NBEA: variants seen among roughly 807,000 people sequenced by gnomAD.
NBEA encodes neurobeachin, also known as lysosomal-trafficking regulator 2.
A neutral mutation model predicts 343.4 loss-of-function variants in NBEA; 44 were observed. The observed-to-expected ratio is 0.13, with a 90% CI of 0.10 to 0.16. NBEA has a LOEUF of 0.16. Among genes scored for constraint, NBEA ranks in the 10% least tolerant of loss-of-function variants. NBEA has a pLI of 1.00. For missense variants in NBEA, 2,555 were observed against 3,631.3 expected (o/e 0.70, Z 7.62); for synonymous variants, 1,175 against 1,238.7 (o/e 0.95, Z 1.08).
intron 1 of NBEA, among the ~76,000 whole-genome samples, chr13:35,010,737 A>ATATAT (rs1251013430): frequency 3.1e-4 from 8 of 25,620 alleles, no homozygotes; most frequent in Admixed American, 5.9e-4. Context: ...AAAAAAAAAA[A>ATATAT]AAAAATATAT....
At chr13:35,369,832 C>G (rs947136500) in intron 38 of NBEA, among the ~76,000 whole-genome samples, 1 of 151,814 alleles carries the variant, frequency 6.6e-6, no homozygotes, top group Admixed American at 6.6e-5. Flanking sequence ...ATTTGGATGC[C>G]CATTACTTTT....
chr13:35,367,082 A>G (rs1472103309), intron 38 of NBEA, among the ~76,000 whole-genome samples: 1 of 151,350 alleles, frequency 6.6e-6, no homozygotes, highest in Admixed American at 6.6e-5. Context: ...TACTAAAAGT[A>G]TGCTATATAA....
At chr13:35,119,151 G>A in intron 16 of NBEA, among the ~76,000 whole-genome samples, 1 of 152,290 alleles carries the variant, frequency 6.6e-6, no homozygotes, top group South Asian at 2.1e-4. Context: ...CAATTGAAAT[G>A]TAACTTGGTA....
intron 1 of NBEA, among the ~76,000 whole-genome samples, chr13:34,981,840 A>T (rs1156718605): frequency 6.6e-6 from 1 of 151,802 alleles, no homozygotes; most frequent in African/African-American, 2.4e-5. Flanking sequence ...TGTGTCATCT[A>T]AGTAGTTGAA....
chr13:35,286,764 A>T (rs1483090921), intron 34 of NBEA, among the ~76,000 whole-genome samples: 1 of 151,744 alleles, frequency 6.6e-6, no homozygotes, highest in Non-Finnish European at 1.5e-5. Context: ...CATTTGTGGC[A>T]GTTTTTTGTT....
intron 33 of NBEA, among the ~76,000 whole-genome samples, chr13:35,215,979 T>C (rs2074042291): frequency 1.3e-5 from 2 of 151,546 alleles, no homozygotes; most frequent in South Asian, 4.1e-4. Flanking sequence ...AAATTCTTTG[T>C]AATTTTAAAA....
chr13:35,601,981 A>G (rs1459633887), intron 47 of NBEA, among the ~76,000 whole-genome samples: 4 of 152,076 alleles, frequency 2.6e-5, no homozygotes, highest in African/African-American at 7.2e-5. Flanking sequence ...GAGAACACCT[A>G]CTTCACAAAC....
intron 36 of NBEA, among the ~76,000 whole-genome samples, chr13:35,320,943 G>A (rs909546659): frequency 6.6e-6 from 1 of 151,960 alleles, no homozygotes; most frequent in African/African-American, 2.4e-5. Flanking sequence ...AGCTGTGTCA[G>A]GTCATTTGTG....
At position 35,123,561 on chromosome 13, in the gene NBEA, C is replaced by T; in HGVS notation, c.2323C>T (p.His775Tyr). 2.6e-6 allele frequency: 4 copies of T among 1,509,580 alleles called. No homozygotes were observed. Among genetic ancestry groups the T allele is most frequent in the East Asian group, 2.3e-5 (1 of 42,590 alleles). The allele number at this position is 1,509,580 out of a possible 1,614,324, so 93.5% of individuals were successfully genotyped here. A position where few individuals can be genotyped will look rare whatever the true frequency, so the allele number is the denominator to read the frequency against. ...GAAGGTTCTGGGATACTTTCTGAAG[C>T]ATTTAGGTCACAAGTAAGTTGATAT... is the stretch of plus-strand genomic sequence containing the variant. ...ALKVLGYFLK[H>Y]LGHKRKVEIM... Residue 775 changes from histidine (H) to tyrosine (Y), a missense_variant, in exon 17 of 59, where the codon CAT becomes TAT. His to Tyr is a moderately conservative substitution (Grantham distance 83). This residue lies in a region of NBEA where 360 missense variants were observed against 519.1 expected (regional missense o/e 0.69). Transcript: ENST00000379939.
chr13:35,588,795 GC>G (rs1287295548), intron 46 of NBEA, among the ~76,000 whole-genome samples: 1 of 151,954 alleles, frequency 6.6e-6, no homozygotes, highest in Non-Finnish European at 1.5e-5. Flanking sequence ...TTTTTCCCTG[GC>G]TTGCTGACCA....
At chr13:35,143,192 A>G (rs954075748) in intron 18 of NBEA, among the ~76,000 whole-genome samples, 7 of 152,210 alleles carry the variant, frequency 4.6e-5, no homozygotes, top group Non-Finnish European at 2.9e-5. Flanking sequence ...ATTTCAGCGA[A>G]CACAGTCACA....
chr13:35,240,610 C>G (rs1391805086), intron 34 of NBEA, among the ~76,000 whole-genome samples: 2 of 151,678 alleles, frequency 1.3e-5, no homozygotes, highest in African/African-American at 4.8e-5. Flanking sequence ...AAATAAATTA[C>G]ATGGGGAAAA....
At chr13:35,096,962 C>CT (rs1457524478) in intron 10 of NBEA, among the ~76,000 whole-genome samples, 3 of 151,352 alleles carry the variant, frequency 2.0e-5, no homozygotes, top group African/African-American at 7.3e-5. Context: ...TGATAGTTTA[C>CT]TTTTTTTTGT....
At position 35,155,846 on chromosome 13, in the gene NBEA, C is replaced by G; in HGVS notation, c.2518C>G (p.Gln840Glu). ...AGAGCCAGATTCTACAGTGAAAATT[C>G]AGAATCCAAGTGAGCAAATGGCAGT... ...HPEPDSTVKI[Q>E]NPMILKVVAT... The change falls in exon 19 of 59, where the codon CAG (glutamine) becomes GAG (glutamate). Residue 840 changes from glutamine to glutamate, a missense_variant. Gln to Glu is a conservative substitution (Grantham distance 29). Around this residue, in one of 21 missense-constraint regions of NBEA, gnomAD observed 360 missense variants for 519.1 expected, o/e 0.69. Transcript: ENST00000379939. 6.2e-7 allele frequency: 1 copy of G among 1,610,782 alleles called. No individual in the cohort carries two copies. Among genetic ancestry groups the G allele is most frequent in the Non-Finnish European group, 8.5e-7 (1 of 1,177,126 alleles).
At chr13:35,476,296 CCTG>C (rs56240021) in intron 41 of NBEA, 107,590 of 957,518 alleles carry the variant, frequency 0.11, 4,693 homozygotes, top group East Asian at 0.17. Context: ...CGTTGGTTTC[CCTG>C]CTGCTGCTGC....
chr13:35,419,347 C>T (rs888697063), intron 38 of NBEA, among the ~76,000 whole-genome samples: 1 of 152,002 alleles, frequency 6.6e-6, no homozygotes, highest in African/African-American at 2.4e-5. Flanking sequence ...ATGGAAGTGA[C>T]GAACAGGCTC....
chr13:35,251,416 C>A, intron 34 of NBEA: 1 of 1,055,082 alleles, frequency 9.5e-7, no homozygotes, highest in Non-Finnish European at 1.1e-6. Context: ...CAGAGATCCT[C>A]GTCAGTGGTG....
intron 1 of NBEA, among the ~76,000 whole-genome samples, chr13:35,034,596 T>C (rs2062368936): frequency 6.6e-6 from 1 of 151,862 alleles, no homozygotes; most frequent in African/African-American, 2.4e-5. Flanking sequence ...TCTCCTCTAT[T>C]TTTCAGAATA....
In NBEA at chr13:35,573,968, C is replaced by G. The variant is rs1011485974; in HGVS notation, c.7035+6951C>G. ...TCTTGAAACTAATTTGTAGCCCCAT[C>G]ATTATCCTTCTACTTAATACCTGGA... On this transcript the variant is annotated intron_variant, in intron 45 of 58. Transcript: ENST00000379939. Among the ~76,000 whole-genome samples, 88 of 152,172 alleles carry G rather than the reference C, an allele frequency of 5.8e-4. 1 individual carries two copies. The highest frequency in any genetic ancestry group is 2.1e-4 in the South Asian group (1 of 4,832).
Sources: gnomAD v4.1 joint callset for allele counts (sites outside exome capture counted in the v4.1 genomes callset) on GRCh38, gnomAD v4.1.1 for gene constraint, gnomAD v4.1.1 regional missense constraint, MANE v1.5 for transcripts, NCBI Gene and HGNC (gene_info 2026-07-23, HGNC 2026-07-21) for gene names.